The following HMX1 variants were observed in gnomAD, a reference collection of about 807,000 sequenced individuals.
HMX1 encodes H6 family homeobox 1.
HMX1 carries 8 observed loss-of-function variants against 8.9 expected under a neutral mutation model. That is an observed-to-expected ratio of 0.90 (90% CI 0.53 to 1.63). HMX1 has a LOEUF of 1.63. Among genes scored for constraint, HMX1 ranks in the 40% most tolerant of loss-of-function variants. The probability of loss-of-function intolerance (pLI) is 0.00; values close to 1 mark genes in which losing one functional copy is unlikely to be tolerated. For synonymous variants in HMX1, 311 were observed against 283.4 expected (o/e 1.10, Z -0.98); for missense variants, 621 against 558.5 (o/e 1.11, Z -1.13).
At chr4:8,857,574 AC>A (rs1399657685) in intron 1 of HMX1, among the ~76,000 whole-genome samples, 10 of 145,824 alleles carry the variant, frequency 6.9e-5, no homozygotes, top group East Asian at 4.1e-4. Context: ...CGGCCTCCGC[AC>A]CCCCCCGCCC....
chr4:8,871,535 G>T lies in HMX1; in HGVS notation c.80C>A (p.Ala27Asp), dbSNP rs959494126. 1.1e-4 allele frequency: 143 copies of T among 1,359,200 alleles called. No homozygotes were observed. The highest frequency in any genetic ancestry group is 1.3e-4 in the Non-Finnish European group (141 of 1,054,248). The allele number at this position is 1,359,200 out of a possible 1,614,324, so 84.2% of individuals were successfully genotyped here. Residue 27 changes from alanine (A) to aspartate (D), a missense_variant, in exon 1 of 2, where the codon GCC becomes GAC. Transcript: ENST00000400677. The surrounding 1 kb of genome is among the most constrained non-coding windows in gnomAD (Gnocchi z 4.8). Reference protein sequence around the residue: ...SSFLIENLLAAEAKGAGRATQ... With the variant: ...SSFLIENLLADEAKGAGRATQ... ...CGCGCGCCCTGCGCCCTTGGCCTCG[G>T]CCGCCAGCAGGTTCTCGATGAGGAA...
At position 8,868,051 on chromosome 4, in the gene HMX1, C is replaced by T. The variant is rs1722076816; in HGVS notation, c.689G>A (p.Ser230Asn). 6.5e-7 allele frequency: 1 copy of T among 1,540,624 alleles called. No homozygotes were observed. Among genetic ancestry groups the T allele is most frequent in the Non-Finnish European group, 8.7e-7 (1 of 1,146,344 alleles). The change falls in exon 2 of 2, where the codon AGC (serine) becomes AAC (asparagine). Residue 230 changes from serine (S) to asparagine (N), a missense_variant. Transcript: ENST00000400677. The surrounding 1 kb of genome is among the most constrained non-coding windows in gnomAD (Gnocchi z 4.6). ...GGCGGCCAGGCCGGCGCGCTCGGCG[C>T]TGCTCAGGTAGCGCTTCAGGTCGAA... Reference protein sequence around the residue: ...STFDLKRYLSSAERAGLAASL... With the variant: ...STFDLKRYLSNAERAGLAASL...
chr4:8,846,330 G>A (rs1721274196), intron 1 of HMX1: 1 of 1,533,114 alleles, frequency 6.5e-7, no homozygotes. Context: ...TGTGCCTGCA[G>A]GGGAGAAAAA....
chr4:8,849,978 G>A lies in HMX1; in HGVS notation c.395-3654C>T, dbSNP rs1021987823. Among the ~76,000 whole-genome samples the A allele has an allele frequency of 6.6e-6, 1 of 152,186 alleles. No individual in the cohort carries two copies. The highest frequency in any genetic ancestry group is 2.4e-5 in the African/African-American group (1 of 41,454). On this transcript the variant is annotated intron_variant, in intron 1 of 1. Coordinates refer to the HMX1 transcript ENST00000506970. This position sits in a 1 kb window ranked among gnomAD's most constrained non-coding sequence, Gnocchi z 6.6. ...CAAGGGTGTGTCCCAAACCCTGTGG[G>A]TGTTGGTTTCTCTGGGCCTCCTTCT...
In HMX1 at chr4:8,870,692, C is replaced by T. The variant is rs2109476487; in HGVS notation, c.394+529G>A. On this transcript the variant is annotated intron_variant, in intron 1 of 1. Coordinates refer to ENST00000400677, the MANE Select transcript of HMX1 (RefSeq NM_018942.3). The surrounding 1 kb of genome is among the most constrained non-coding windows in gnomAD (Gnocchi z 4.4). ...CACTGCACCCTCTGCTCAATGCCCC[C>T]TTTTATTTTTCCACGTCTGATGCTA... 6.6e-6 allele frequency among the ~76,000 whole-genome samples: 1 copy of T among 151,998 alleles called. No individual in the cohort carries two copies. The highest frequency in any genetic ancestry group is 2.4e-5 in the African/African-American group (1 of 41,470).
chr4:8,871,275 C>G lies in HMX1; in HGVS notation c.340G>C (p.Ala114Pro). Reference sequence around the variant, plus strand: ...CCGTGCGCCCGTGGGTACCAGCGCGCTGCGCCTCCGCAGCCCAGAGCGAAG... The same window carrying G: ...CCGTGCGCCCGTGGGTACCAGCGCGGTGCGCCTCCGCAGCCCAGAGCGAAG... ...PPFALGCGGA[A>P]RWYPRAHGGY... Residue 114 changes from alanine (A) to proline (P), a missense_variant, in exon 1 of 2, where the codon GCG (alanine) becomes CCG (proline). Coordinates refer to ENST00000400677, the MANE Select transcript of HMX1 (RefSeq NM_018942.3). This position sits in a 1 kb window ranked among gnomAD's most constrained non-coding sequence, Gnocchi z 4.8. 6.7e-7 allele frequency: 1 copy of G among 1,482,268 alleles called. No individual in the cohort carries two copies. The highest frequency in any genetic ancestry group is 8.9e-7 in the Non-Finnish European group (1 of 1,123,072). 91.8% of individuals were successfully genotyped at this position (1,482,268 alleles called of 1,614,324 possible).
intron 1 of HMX1, among the ~76,000 whole-genome samples, chr4:8,869,080 G>A (rs1283303648): frequency 6.6e-6 from 1 of 152,210 alleles, no homozygotes; most frequent in Non-Finnish European, 1.5e-5. Context: ...ACGGGCACAT[G>A]CCACTCTAAG....
chr4:8,866,841 C>T (rs570970652), downstream of HMX1, among the ~76,000 whole-genome samples: 23 of 152,332 alleles, frequency 1.5e-4, no homozygotes, highest in African/African-American at 5.5e-4. Flanking sequence ...TCCCTACTCC[C>T]GGCTCCTGGC....
chr4:8,867,005 C>G, downstream of HMX1: 4 of 922,354 alleles, frequency 4.3e-6, no homozygotes, highest in Non-Finnish European at 5.2e-6. Flanking sequence ...CCCAGCGCAG[C>G]TTGAGCTGTC....
Position 8,847,834 on chromosome 4 carries a change from C to T in HMX1, c.395-1510G>A, listed in dbSNP as rs1721323003. ...TTCAGAAACAGGGGAATGGGAAGGA[C>T]AAGAAGAACCTCGGGGTTGGCTGGA... is the stretch of plus-strand genomic sequence containing the variant. On this transcript the variant is annotated intron_variant, in intron 1 of 1. Coordinates refer to the HMX1 transcript ENST00000506970. The surrounding 1 kb of genome is among the most constrained non-coding windows in gnomAD (Gnocchi z 6.0). 6.6e-6 allele frequency among the ~76,000 whole-genome samples: 1 copy of T among 152,180 alleles called. No individual in the cohort carries two copies. Among genetic ancestry groups the T allele is most frequent in the Non-Finnish European group, 1.5e-5 (1 of 68,032 alleles).
At chr4:8,852,024 G>A (rs562190591) in intron 1 of HMX1, among the ~76,000 whole-genome samples, 5 of 152,354 alleles carry the variant, frequency 3.3e-5, no homozygotes, top group South Asian at 2.1e-4. Context: ...AGCCCCTCTC[G>A]TCCCTAGACA....
rs1170348991 is a variant in HMX1 at position 8,871,088 on chromosome 4, G to T, written c.394+133C>A. The T allele has an allele frequency of 3.9e-5, 41 of 1,041,562 alleles. No individual in the cohort carries two copies. Among genetic ancestry groups the T allele is most frequent in the Non-Finnish European group, 5.0e-5 (41 of 812,078 alleles). 64.5% of individuals were successfully genotyped at this position (1,041,562 alleles called of 1,614,324 possible). A position where few individuals can be genotyped will look rare whatever the true frequency, so the allele number is the denominator to read the frequency against. On this transcript the variant is annotated intron_variant, in intron 1 of 1. Transcript: ENST00000400677. The surrounding 1 kb of genome is among the most constrained non-coding windows in gnomAD (Gnocchi z 4.8). ...CAGGGGCTCCTGGGGGCCCCACAAGGCCCAGACGCCGTTCCACAGAAGGGA... is the reference window on the plus strand; with the variant it reads ...CAGGGGCTCCTGGGGGCCCCACAAGTCCCAGACGCCGTTCCACAGAAGGGA...
downstream of HMX1, among the ~76,000 whole-genome samples, chr4:8,863,760 A>T (rs1371128534): frequency 6.6e-6 from 1 of 152,242 alleles, no homozygotes; most frequent in African/African-American, 2.4e-5. Context: ...TGGAGTGGCC[A>T]AGGGCGGTGG....
rs1722107775 is a variant in HMX1, at chr4:8,868,523, C to G, written c.395-178G>C. ...CACACATTGTCAGAACCGTGGGAGG[C>G]GGCCCAGAGACCAGGCAGCAGCTCC... On this transcript the variant is annotated intron_variant, in intron 1 of 1. Coordinates refer to ENST00000400677, the MANE Select transcript of HMX1 (RefSeq NM_018942.3). The surrounding 1 kb of genome is among the most constrained non-coding windows in gnomAD (Gnocchi z 4.6). 6.6e-6 allele frequency among the ~76,000 whole-genome samples: 1 copy of G among 152,156 alleles called. No homozygotes were observed. The highest frequency in any genetic ancestry group is 1.5e-5 in the Non-Finnish European group (1 of 68,010).
intron 1 of HMX1, chr4:8,858,664 T>TCGGCAC (rs1051160626): frequency 1.3e-5 from 2 of 151,178 alleles, no homozygotes; most frequent in Admixed American, 6.6e-5. Flanking sequence ...CCGGGAGAGG[T>TCGGCAC]CGGCACCGTG....
At chr4:8,869,535 G>A (rs1444356046) in intron 1 of HMX1, among the ~76,000 whole-genome samples, 1 of 152,256 alleles carries the variant, frequency 6.6e-6, no homozygotes. Context: ...TGCAAGGGGT[G>A]CGCACACTGG....
At chr4:8,860,688 T>G (rs1047573128) in intron 1 of HMX1, 1 of 152,318 alleles carries the variant, frequency 6.6e-6, no homozygotes, top group African/African-American at 2.4e-5. Flanking sequence ...GCCTTCGGGT[T>G]AACACCGCTT....
At chr4:8,851,450 A>G (rs7293254) in intron 1 of HMX1, among the ~76,000 whole-genome samples, 76,822 of 152,072 alleles carry the variant, frequency 0.51, 22,600 homozygotes, top group East Asian at 0.92. Flanking sequence ...AAGCGAAGGC[A>G]GCCAGCACAT....
In HMX1 at chr4:8,849,270, G is replaced by C. The variant is rs1721368979; in HGVS notation, c.395-2946C>G. 6.6e-6 allele frequency among the ~76,000 whole-genome samples: 1 copy of C among 152,072 alleles called. No homozygotes were observed. On this transcript the variant is annotated intron_variant, in intron 1 of 1. Coordinates refer to the HMX1 transcript ENST00000506970. This position sits in a 1 kb window ranked among gnomAD's most constrained non-coding sequence, Gnocchi z 6.6. Reference sequence around the variant, plus strand: ...CAGAACGGGAGTTTATTTGGAAATAGGGTCTTCCTGAGGTAAGCAAGCTGA... The same window carrying C: ...CAGAACGGGAGTTTATTTGGAAATACGGTCTTCCTGAGGTAAGCAAGCTGA...
Sources: gnomAD v4.1 joint callset for allele counts (sites outside exome capture counted in the v4.1 genomes callset) on GRCh38, gnomAD v4.1.1 for gene constraint, Gnocchi (gnomAD v3.1) non-coding constraint, MANE v1.5 for transcripts, NCBI Gene and HGNC (gene_info 2026-07-23, HGNC 2026-07-21) for gene names.